The following GLI2 variants were observed in gnomAD, a reference collection of about 807,000 sequenced individuals.
GLI2 encodes the protein GLI family zinc finger 2.
In GLI2, 22 loss-of-function variants were observed where a neutral mutation model predicts 78.9. The observed-to-expected ratio is 0.28, with a 90% confidence interval of 0.20 to 0.40. The LOEUF is 0.40. Ranked by LOEUF, GLI2 falls within the 10% of genes least tolerant of loss-of-function variation. The pLI is 1.00. For synonymous variants in GLI2, 974 were observed against 963.7 expected, an observed-to-expected ratio of 1.01 and a Z score of -0.20; for missense variants, 2,097 against 2,213.2, an observed-to-expected ratio of 0.95 and a Z score of 1.05.
At chr2:120,826,452 T>C (rs1388755444) in intron 2 of GLI2, among the ~76,000 whole-genome samples, 1 of 152,176 alleles carries the variant, frequency 6.6e-6, no homozygotes, top group Non-Finnish European at 1.5e-5. Flanking sequence ...CTGTTCGATC[T>C]GGGAGGCAGT....
chr2:120,974,845 C>A, intron 8 of GLI2, 130 bp from the exon 9 acceptor site: 1 of 1,253,830 alleles, frequency 8.0e-7, no homozygotes, highest in Non-Finnish European at 1.2e-6. Flanking sequence ...ACCTGTAACA[C>A]ACACACTTGC....
At chr2:120,923,056 T>C (rs111440328) in intron 2 of GLI2, among the ~76,000 whole-genome samples, 2 of 151,132 alleles carry the variant, frequency 1.3e-5, no homozygotes, top group African/African-American at 4.9e-5. Flanking sequence ...CACACAGCAA[T>C]ACACACATAT....
In GLI2 at chr2:120,989,044, G is replaced by T. The variant is rs752964383; in HGVS notation, c.3079G>T (p.Val1027Leu). 1 of 1,607,408 alleles carries T rather than the reference G, an allele frequency of 6.2e-7. No individual in the cohort carries two copies. Among genetic ancestry groups the T allele is most frequent in the South Asian group, 1.1e-5 (1 of 91,000 alleles). The change falls in exon 14 of 14, where the codon GTG becomes TTG. Residue 1027 changes from valine (V) to leucine (L), a missense_variant. Coordinates refer to ENST00000361492, the MANE Select transcript of GLI2 (RefSeq NM_001374353.1). ...NVAMEAVAAG[V>L]DGAGPEADLG... ...GGCGATGGAGGCCGTGGCGGCAGGA[G>T]TGGACGGCGCGGGGCCCGAGGCCGA...
At chr2:120,960,989 C>T (rs972649180) in intron 5 of GLI2, among the ~76,000 whole-genome samples, 11 of 152,136 alleles carry the variant, frequency 7.2e-5, no homozygotes, top group African/African-American at 2.4e-4. Context: ...TTCTGCTGAG[C>T]GGCTCCCTGG....
intron 1 of GLI2, among the ~76,000 whole-genome samples, chr2:120,781,874 T>C (rs1433298419): frequency 6.8e-6 from 1 of 147,654 alleles, no homozygotes; most frequent in African/African-American, 2.6e-5. Flanking sequence ...AGAGTGAGAC[T>C]CCATCTCAAA....
At chr2:120,916,298 G>C (rs1679093764) in intron 2 of GLI2, among the ~76,000 whole-genome samples, 1 of 152,226 alleles carries the variant, frequency 6.6e-6, no homozygotes, top group Admixed American at 6.5e-5. Context: ...ATGTATAGGA[G>C]AGGCCACATG....
At chr2:120,833,026 G>A (rs928096079) in intron 2 of GLI2, among the ~76,000 whole-genome samples, 1 of 152,184 alleles carries the variant, frequency 6.6e-6, no homozygotes. Flanking sequence ...TGGAGCCCAG[G>A]GACATGGCTG....
chr2:120,789,238 G>C (rs1684082274), intron 1 of GLI2, among the ~76,000 whole-genome samples: 1 of 151,926 alleles, frequency 6.6e-6, no homozygotes, highest in Non-Finnish European at 1.5e-5. Flanking sequence ...TGGCCAGGCT[G>C]GTCTCAAGCT....
rs1259103009 is a variant in GLI2 at position 120,990,493 on chromosome 2, G to A, written c.4528G>A (p.Gly1510Ser). The A allele has an allele frequency of 6.2e-7, 1 of 1,613,926 alleles. No homozygotes were observed. The change falls in exon 14 of 14, where the codon GGT becomes AGT. Residue 1510 changes from glycine to serine, a missense_variant. By Grantham distance (56) the Gly-to-Ser change is moderately conservative. Around this residue, in one of 5 missense-constraint regions of GLI2, gnomAD observed 1,290 missense variants for 1,261.7 expected, o/e 1.02. Coordinates refer to ENST00000361492, the MANE Select transcript of GLI2 (RefSeq NM_001374353.1). ...TGGCGATCACTCGAGTTTGTTCTCG[G>A]GTGCTCTGAGCCCCAGCCTCCTCCA... Reference protein sequence around the residue: ...DDGDHSSLFSGALSPSLLHSL... With the variant: ...DDGDHSSLFSSALSPSLLHSL...
chr2:120,891,498 TG>T (rs1170224781), intron 2 of GLI2, among the ~76,000 whole-genome samples: 2 of 152,158 alleles, frequency 1.3e-5, no homozygotes, highest in Non-Finnish European at 2.9e-5. Flanking sequence ...CCATGGTGAA[TG>T]CTGGGTAAGT....
chr2:120,753,477 T>C (rs949426025), intron 1 of GLI2, among the ~76,000 whole-genome samples: 20 of 152,240 alleles, frequency 1.3e-4, no homozygotes, highest in African/African-American at 2.9e-4. Flanking sequence ...ATCAGTAATA[T>C]TAAATATTTA....
At chr2:120,834,651 A>G (rs1454832083) in intron 2 of GLI2, among the ~76,000 whole-genome samples, 1 of 152,118 alleles carries the variant, frequency 6.6e-6, no homozygotes, top group Non-Finnish European at 1.5e-5. Context: ...GTTAATACCA[A>G]TCATCAGGAG....
At chr2:120,943,589 T>G (rs1295881595) in intron 3 of GLI2, among the ~76,000 whole-genome samples, 2 of 152,230 alleles carry the variant, frequency 1.3e-5, no homozygotes, top group African/African-American at 4.8e-5. Context: ...TCCCACCCGC[T>G]GCTGCCGCTG....
intron 2 of GLI2, among the ~76,000 whole-genome samples, chr2:120,908,886 A>G (rs1319966861): frequency 6.6e-6 from 1 of 152,166 alleles, no homozygotes; most frequent in Non-Finnish European, 1.5e-5. Context: ...GCTGGAGGAC[A>G]GACTGTCTAC....
chr2:120,986,492 C>T lies in GLI2; in HGVS notation c.2120C>T (p.Thr707Ile). The stretch of plus-strand genomic sequence containing the variant: ...GGCCTCCAGCTGCGCAAACACATGA[C>T]CACCATGCACCGGTTCGAGCAGCTC... The part of the protein sequence containing the change: ...AGGLQLRKHM[T>I]TMHRFEQLKK... The change falls in exon 13 of 14, where the codon ACC becomes ATC. Residue 707 changes from threonine to isoleucine, a missense_variant. Thr to Ile is a moderately conservative substitution (Grantham distance 89). Around this residue, in one of 5 missense-constraint regions of GLI2, gnomAD observed 1,290 missense variants for 1,261.7 expected, o/e 1.02. Coordinates refer to ENST00000361492, the MANE Select transcript of GLI2 (RefSeq NM_001374353.1). 6.2e-7 allele frequency: 1 copy of T among 1,614,078 alleles called. No individual in the cohort carries two copies. Among genetic ancestry groups the T allele is most frequent in the Non-Finnish European group, 8.5e-7 (1 of 1,180,020 alleles).
chr2:120,935,203 GGC>G (rs1447834400), intron 3 of GLI2, among the ~76,000 whole-genome samples: 1 of 152,170 alleles, frequency 6.6e-6, no homozygotes, highest in Non-Finnish European at 1.5e-5. Context: ...ATGCTGGGTG[GGC>G]CCAGCGTCAC....
At chr2:120,967,781 G>T (rs1681929856) in intron 5 of GLI2, among the ~76,000 whole-genome samples, 1 of 152,254 alleles carries the variant, frequency 6.6e-6, no homozygotes, top group African/African-American at 2.4e-5. Flanking sequence ...CAGCTTCCCA[G>T]AGCCTCGGGC....
In GLI2 at chr2:120,833,596, C is replaced by G. The variant is rs114678922; in HGVS notation, c.148+36128C>G. On this transcript the variant is annotated intron_variant, in intron 2 of 13. Transcript: ENST00000361492. Reference sequence around the variant, plus strand: ...CCCAACCTTGGATGAGCAGACCCCTCAAATGTGCAGCTACCCACAGAGATT... The same window carrying G: ...CCCAACCTTGGATGAGCAGACCCCTGAAATGTGCAGCTACCCACAGAGATT... Among the ~76,000 whole-genome samples the G allele has an allele frequency of 1.7e-3, 261 of 152,264 alleles. 1 individual carries two copies. Among genetic ancestry groups the G allele is most frequent in the African/African-American group, 6.0e-3 (248 of 41,550 alleles).
Position 120,816,382 on chromosome 2 carries a change from A to G in GLI2, c.148+18914A>G, listed in dbSNP as rs192533800. Among the ~76,000 whole-genome samples, 406 of 151,792 alleles carry G rather than the reference A, an allele frequency of 2.7e-3. 3 individuals are homozygous for G. The highest frequency in any genetic ancestry group is 9.1e-3 in the African/African-American group (377 of 41,364). ...GGCTAATTTTTGTATTTTTGTAGAG[A>G]CGGGGTTTTGCCATGTTGGCCAGGC... On this transcript the variant is annotated intron_variant, in intron 2 of 13. Transcript: ENST00000361492.
Sources: allele counts gnomAD v4.1 joint callset (sites outside exome capture counted in the v4.1 genomes callset), GRCh38; gene constraint gnomAD v4.1.1; regional missense constraint gnomAD v4.1.1; transcripts MANE v1.5; gene names NCBI Gene and HGNC (gene_info 2026-07-23, HGNC 2026-07-21).